Variants in KSR2 observed in about 807,000 individuals in gnomAD.
KSR2 encodes kinase suppressor of ras 2.
A neutral mutation model predicts 107.8 loss-of-function variants in KSR2; 25 were observed. The ratio of observed to expected loss-of-function variants is 0.23; its 90% confidence interval spans 0.17 to 0.32. The LOEUF (loss-of-function observed/expected upper bound fraction) is 0.32. Among genes scored for constraint, KSR2 ranks in the 10% least tolerant of loss-of-function variants. The probability of loss-of-function intolerance (pLI) is 1.00; values close to 1 mark genes in which losing one functional copy is unlikely to be tolerated. For synonymous variants in KSR2, 480 were observed against 507.0 expected, an observed-to-expected ratio of 0.95 and a Z score of 0.71; for missense variants, 887 against 1,268.9, an observed-to-expected ratio of 0.70 and a Z score of 4.57.
At chr12:117,894,002 C>T (rs1894429065) in intron 1 of KSR2, among the ~76,000 whole-genome samples, 1 of 151,298 alleles carries the variant, frequency 6.6e-6, no homozygotes, top group Non-Finnish European at 1.5e-5. Flanking sequence ...CTCCGCCTCC[C>T]GGGTTCACGC....
intron 3 of KSR2, among the ~76,000 whole-genome samples, chr12:117,841,710 G>A (rs914750733): frequency 5.9e-5 from 9 of 152,086 alleles, no homozygotes; most frequent in African/African-American, 1.9e-4. Context: ...GGAAGCCTCC[G>A]CTTAACAGGA....
intron 1 of KSR2, among the ~76,000 whole-genome samples, chr12:117,882,374 A>G (rs1263849056): frequency 6.6e-6 from 1 of 152,148 alleles, no homozygotes; most frequent in East Asian, 1.9e-4. Context: ...ACACACCCAC[A>G]CTGGCTTCCA....
chr12:117,475,991 G>A (rs7956570), intron 17 of KSR2, among the ~76,000 whole-genome samples: 33,898 of 152,082 alleles, frequency 0.22, 4,210 homozygotes, highest in Non-Finnish European at 0.29. Context: ...AGATGAGACC[G>A]CAGCCCTAGC....
chr12:117,616,434 C>T (rs1881894689), intron 5 of KSR2, among the ~76,000 whole-genome samples: 1 of 152,178 alleles, frequency 6.6e-6, no homozygotes, highest in South Asian at 2.1e-4. Context: ...ACTTGGGATG[C>T]TGGGTTCCTA....
intron 5 of KSR2, among the ~76,000 whole-genome samples, chr12:117,658,361 T>G (rs1593101147): frequency 6.6e-6 from 1 of 151,848 alleles, no homozygotes; most frequent in African/African-American, 2.4e-5. Flanking sequence ...TGGACAAGGG[T>G]GGTGATGATG....
chr12:117,599,510 G>A (rs577084912), intron 5 of KSR2, among the ~76,000 whole-genome samples: 4 of 152,076 alleles, frequency 2.6e-5, no homozygotes, highest in Admixed American at 6.5e-5. Flanking sequence ...GACCTAAATC[G>A]AGAATTTCCC....
intron 1 of KSR2, among the ~76,000 whole-genome samples, chr12:117,947,203 A>AG: frequency 2.4e-5 from 1 of 41,178 alleles, no homozygotes; most frequent in Non-Finnish European, 4.5e-5. Flanking sequence ...AAGAAAAGAA[A>AG]GAAAAGAAAG....
intron 14 of KSR2, among the ~76,000 whole-genome samples, chr12:117,490,944 C>T (rs186565471): frequency 6.6e-6 from 1 of 151,978 alleles, no homozygotes; most frequent in African/African-American, 2.4e-5. Context: ...CACTTAAAAT[C>T]TACTCCCTCA....
At chr12:117,632,071 G>T (rs1164443301) in intron 5 of KSR2, among the ~76,000 whole-genome samples, 1 of 152,066 alleles carries the variant, frequency 6.6e-6, no homozygotes, top group East Asian at 1.9e-4. Context: ...ATTTTGGCTA[G>T]AATTATTAAT....
At chr12:117,724,585 C>T (rs944118455) in intron 4 of KSR2, among the ~76,000 whole-genome samples, 15 of 105,216 alleles carry the variant, frequency 1.4e-4, no homozygotes, top group African/African-American at 5.4e-4. Flanking sequence ...CCTGCCCCCC[C>T]ACCCCCGGCC....
intron 10 of KSR2, among the ~76,000 whole-genome samples, chr12:117,532,083 T>TA (rs1875676545): frequency 6.6e-6 from 1 of 152,246 alleles, no homozygotes; most frequent in Non-Finnish European, 1.5e-5. Flanking sequence ...TACAGTGGCT[T>TA]AAAAAATCCT....
Position 117,459,894 on chromosome 12 carries a change from G to T in KSR2, c.*7305C>A, listed in dbSNP as rs78088610. 157 of 152,322 alleles carry T rather than the reference G, an allele frequency of 1.0e-3. No homozygotes were observed. Among genetic ancestry groups the T allele is most frequent in the African/African-American group, 3.6e-3 (150 of 41,562 alleles). The allele number at this position is 152,322 out of a possible 1,614,324, so 9.4% of individuals were successfully genotyped here. On this transcript the variant is annotated 3_prime_UTR_variant, in exon 20 of 20. Coordinates refer to ENST00000339824, the MANE Select transcript of KSR2 (RefSeq NM_173598.6). Reference sequence around the variant, plus strand: ...ATTGACATTGCCTCCTTCAGTACCAGGTAAGGTATCAAGTCTCATTCACAG... The same window carrying T: ...ATTGACATTGCCTCCTTCAGTACCATGTAAGGTATCAAGTCTCATTCACAG...
intron 4 of KSR2, among the ~76,000 whole-genome samples, chr12:117,690,924 G>A (rs1039286089): frequency 6.6e-6 from 1 of 152,154 alleles, no homozygotes; most frequent in South Asian, 2.1e-4. Flanking sequence ...GGTCCTGCAG[G>A]TTCTCAGATC....
chr12:117,845,750 G>A (rs375664828), intron 3 of KSR2, among the ~76,000 whole-genome samples: 1 of 150,686 alleles, frequency 6.6e-6, no homozygotes, highest in African/African-American at 2.4e-5. Flanking sequence ...GTGCAATCTC[G>A]GCTCACTACA....
intron 1 of KSR2, among the ~76,000 whole-genome samples, chr12:117,913,535 C>A (rs763552747): frequency 2.0e-5 from 3 of 152,016 alleles, no homozygotes; most frequent in Non-Finnish European, 4.4e-5. Context: ...AAAGGGTGGG[C>A]CCTAAATCCA....
intron 5 of KSR2, among the ~76,000 whole-genome samples, chr12:117,641,887 C>T (rs957445075): frequency 2.0e-5 from 3 of 152,172 alleles, no homozygotes; most frequent in East Asian, 3.8e-4. Context: ...ATCTGACTCC[C>T]ACCCACCTCT....
At chr12:117,539,173 A>G (rs1391957193) in intron 10 of KSR2, among the ~76,000 whole-genome samples, 1 of 152,214 alleles carries the variant, frequency 6.6e-6, no homozygotes, top group Non-Finnish European at 1.5e-5. Context: ...GAGGTGAGAC[A>G]CAGCAAGAAT....
chr12:117,656,953 TATATAATAGG>T lies in KSR2; in HGVS notation c.1171+10511_1171+10520del, dbSNP rs1280090602. Among the ~76,000 whole-genome samples, 132 of 103,526 alleles carry T rather than the reference TATATAATAGG, an allele frequency of 1.3e-3. No homozygotes were observed. In the East Asian group the frequency reaches 0.014, roughly 11 times the overall value. The allele number at this position is 103,526 out of a possible 152,430, so 67.9% of individuals were successfully genotyped here. ...ATATATATAATAGGATATATATATA[TATATAATAGG>T]ATATATATATATAATAGGATATATA... On this transcript the variant is annotated intron_variant, in intron 5 of 19. Coordinates refer to ENST00000339824, the MANE Select transcript of KSR2 (RefSeq NM_173598.6).
intron 14 of KSR2, among the ~76,000 whole-genome samples, chr12:117,506,687 G>C (rs1183263291): frequency 6.6e-6 from 1 of 152,194 alleles, no homozygotes; most frequent in Non-Finnish European, 1.5e-5. Context: ...GTGCTATGCA[G>C]TTCTGACTCT....
Sources: gnomAD v4.1 joint callset for allele counts (sites outside exome capture counted in the v4.1 genomes callset) on GRCh38, gnomAD v4.1.1 for gene constraint, MANE v1.5 for transcripts, NCBI Gene and HGNC (gene_info 2026-07-23, HGNC 2026-07-21) for gene names.